TRAPPC9: variants seen among roughly 807,000 people sequenced by gnomAD.
TRAPPC9 encodes the protein IKK2 binding protein.
Under a neutral mutation model 124.0 loss-of-function variants are expected in TRAPPC9, and 83 were observed. The observed-to-expected ratio is 0.67, with a 90% CI of 0.56 to 0.80. The LOEUF (loss-of-function observed/expected upper bound fraction) is 0.80, where lower values mean the gene tolerates loss of function less well. Among genes scored for constraint, TRAPPC9 ranks in the 30% least tolerant of loss-of-function variants. The pLI is 0.00. For synonymous variants in TRAPPC9, 638 were observed against 617.5 expected, an observed-to-expected ratio of 1.03 and a Z score of -0.49; for missense variants, 1,302 against 1,508.3, an observed-to-expected ratio of 0.86 and a Z score of 2.27.
intron 16 of TRAPPC9, among the ~76,000 whole-genome samples, chr8:140,222,796 A>C (rs2063365030): frequency 6.6e-6 from 1 of 152,244 alleles, no homozygotes; most frequent in Admixed American, 6.5e-5. Flanking sequence ...AAGTCTACCT[A>C]TGAGTATGGC....
At chr8:140,126,012 T>C (rs1587761007) in intron 17 of TRAPPC9, among the ~76,000 whole-genome samples, 1 of 152,042 alleles carries the variant, frequency 6.6e-6, no homozygotes, top group African/African-American at 2.4e-5. Flanking sequence ...GACTTTGTGA[T>C]CCGCCAGCCT....
At chr8:140,208,953 G>A (rs1040395654) in intron 17 of TRAPPC9, among the ~76,000 whole-genome samples, 1 of 152,238 alleles carries the variant, frequency 6.6e-6, no homozygotes, top group African/African-American at 2.4e-5. Flanking sequence ...ACTAGAGTAT[G>A]TGTGGATTTG....
At position 140,173,072 on chromosome 8, in the gene TRAPPC9, A is replaced by G. The variant is rs1211850389; in HGVS notation, c.2556+48387T>C. Among the ~76,000 whole-genome samples the G allele has an allele frequency of 2.0e-5, 3 of 152,220 alleles. No homozygotes were observed. The East Asian group carries it at 5.8e-4, about 29-fold the overall frequency. On this transcript the variant is annotated intron_variant, in intron 17 of 22. Transcript: ENST00000438773. ...ACAGACACTGAGAAGATAAGCAGAG[A>G]TAATGCTACTGCTGTTCCATAGGGT...
chr8:140,071,921 G>A (rs984555109), intron 17 of TRAPPC9, among the ~76,000 whole-genome samples: 1 of 152,186 alleles, frequency 6.6e-6, no homozygotes, highest in African/African-American at 2.4e-5. Context: ...GTTAGCACTG[G>A]AGTCAATCAG....
intron 17 of TRAPPC9, among the ~76,000 whole-genome samples, chr8:140,027,947 T>C (rs1455517227): frequency 1.3e-5 from 2 of 152,046 alleles, no homozygotes; most frequent in Non-Finnish European, 2.9e-5. Context: ...ACCATGTCCC[T>C]CCCTCGACAC....
intron 16 of TRAPPC9, among the ~76,000 whole-genome samples, chr8:140,225,675 T>C (rs1164049488): frequency 1.3e-5 from 2 of 152,200 alleles, no homozygotes; most frequent in Admixed American, 6.5e-5. Context: ...TAAGCAAGCA[T>C]GGTATGAAAG....
intron 19 of TRAPPC9, among the ~76,000 whole-genome samples, chr8:139,941,187 C>T (rs1348309147): frequency 6.6e-6 from 1 of 152,192 alleles, no homozygotes; most frequent in Non-Finnish European, 1.5e-5. Flanking sequence ...GGGTGGGCAT[C>T]CTCCCCGGCC....
intron 17 of TRAPPC9, among the ~76,000 whole-genome samples, chr8:140,082,431 G>A (rs531574094): frequency 5.8e-4 from 89 of 152,242 alleles, no homozygotes; most frequent in Non-Finnish European, 1.1e-3. Flanking sequence ...AGCATCAGCA[G>A]AAAGGGCATC....
intron 1 of TRAPPC9, chr8:140,456,699 T>C: frequency 1.4e-6 from 1 of 709,896 alleles, no homozygotes. Flanking sequence ...GGTTAACAAA[T>C]AAAGATGTCA....
intron 17 of TRAPPC9, among the ~76,000 whole-genome samples, chr8:140,024,690 G>A (rs1390531579): frequency 6.6e-6 from 1 of 152,026 alleles, no homozygotes; most frequent in East Asian, 1.9e-4. Flanking sequence ...TGGGATGACA[G>A]GCGTGTGGGA....
chr8:139,896,890 G>A (rs772419002), intron 20 of TRAPPC9, among the ~76,000 whole-genome samples: 1 of 152,210 alleles, frequency 6.6e-6, no homozygotes, highest in Non-Finnish European at 1.5e-5. Context: ...ACTTGGGGAT[G>A]AAGTTTCCAA....
intron 18 of TRAPPC9, 22 bp from the exon 19 acceptor site, chr8:139,988,858 G>T (rs1478468674): frequency 1.4e-6 from 2 of 1,470,398 alleles, no homozygotes; most frequent in Non-Finnish European, 1.9e-6. Flanking sequence ...AAAAAAGAAA[G>T]TTCAGAATCC....
chr8:139,995,861 TAAAAAAAAAAA>T (rs35970083), intron 18 of TRAPPC9, among the ~76,000 whole-genome samples: 1 of 96,888 alleles, frequency 1.0e-5, no homozygotes, highest in Non-Finnish European at 2.0e-5. Flanking sequence ...TACTCTGCAT[TAAAAAAAAAAA>T]AAAAAAAAAA....
intron 17 of TRAPPC9, among the ~76,000 whole-genome samples, chr8:140,210,401 T>C (rs1170397267): frequency 2.6e-5 from 4 of 152,232 alleles, no homozygotes; most frequent in Admixed American, 6.5e-5. Context: ...CGGAAAATGC[T>C]GGACAGGACA....
At chr8:139,950,041 C>A (rs1834536415) in intron 19 of TRAPPC9, among the ~76,000 whole-genome samples, 1 of 152,216 alleles carries the variant, frequency 6.6e-6, no homozygotes, top group South Asian at 2.1e-4. Flanking sequence ...GAACAAAGGT[C>A]TATAAAATCA....
At chr8:140,318,186 G>C (rs1223784381) in intron 9 of TRAPPC9, among the ~76,000 whole-genome samples, 1 of 152,060 alleles carries the variant, frequency 6.6e-6, no homozygotes, top group East Asian at 1.9e-4. Context: ...GATATATGAG[G>C]ATTCATTTTA....
At chr8:140,215,045 C>G (rs1373548509) in intron 17 of TRAPPC9, among the ~76,000 whole-genome samples, 2 of 152,172 alleles carry the variant, frequency 1.3e-5, no homozygotes, top group Non-Finnish European at 1.5e-5. Flanking sequence ...TCCCCACAGA[C>G]AGCACTGTCA....
At chr8:139,813,106 G>T (rs1256505305) in intron 21 of TRAPPC9, among the ~76,000 whole-genome samples, 1 of 152,240 alleles carries the variant, frequency 6.6e-6, no homozygotes, top group African/African-American at 2.4e-5. Flanking sequence ...GGTGCCAGCT[G>T]CTCAAGGACT....
chr8:140,265,304 T>C (rs2064598999), intron 15 of TRAPPC9, among the ~76,000 whole-genome samples: 1 of 152,208 alleles, frequency 6.6e-6, no homozygotes, highest in Non-Finnish European at 1.5e-5. Flanking sequence ...ACTGCTTATT[T>C]GTGTATTAAG....
Sources: allele counts gnomAD v4.1 joint callset (sites outside exome capture counted in the v4.1 genomes callset), GRCh38; gene constraint gnomAD v4.1.1; transcripts MANE v1.5; gene names NCBI Gene and HGNC (gene_info 2026-07-23, HGNC 2026-07-21).